NELL1: variants seen among roughly 807,000 people sequenced by gnomAD.
The protein encoded by NELL1 is protein kinase C-binding protein NELL1.
In NELL1, 76 loss-of-function variants were observed where a neutral mutation model predicts 107.4. The observed-to-expected ratio is 0.71, with a 90% CI of 0.59 to 0.86. The LOEUF is 0.86. NELL1 is among the 40% of genes least tolerant of loss of function. The probability of loss-of-function intolerance (pLI) is 0.00; values close to 1 mark genes in which losing one functional copy is unlikely to be tolerated. For missense variants in NELL1, 1,024 were observed against 1,005.5 expected (o/e 1.02, Z -0.25); for synonymous variants, 353 against 341.2 (o/e 1.03, Z -0.38).
chr11:21,111,062 G>A (rs953034885), intron 12 of NELL1, among the ~76,000 whole-genome samples: 3 of 152,064 alleles, frequency 2.0e-5, no homozygotes, highest in Non-Finnish European at 4.4e-5. Flanking sequence ...CTGTCTGGTA[G>A]GTTATTGCTC....
chr11:21,443,502 A>T (rs949107003), intron 15 of NELL1, among the ~76,000 whole-genome samples: 1 of 134,064 alleles, frequency 7.5e-6, no homozygotes, highest in Non-Finnish European at 1.6e-5. Context: ...TGAGAAAAAA[A>T]AATAATATCC....
intron 2 of NELL1, among the ~76,000 whole-genome samples, chr11:20,758,818 C>T (rs984167132): frequency 1.3e-5 from 2 of 152,154 alleles, no homozygotes; most frequent in African/African-American, 4.8e-5. Context: ...TGCCAGATGT[C>T]CCCTGGGGGC....
chr11:21,301,656 G>A (rs1451775939), intron 14 of NELL1, among the ~76,000 whole-genome samples: 1 of 152,022 alleles, frequency 6.6e-6, no homozygotes, highest in Non-Finnish European at 1.5e-5. Context: ...CCCTTTGTCA[G>A]ATGGGTAGAT....
At chr11:20,886,764 A>C (rs1849517383) in intron 5 of NELL1, among the ~76,000 whole-genome samples, 1 of 152,214 alleles carries the variant, frequency 6.6e-6, no homozygotes, top group South Asian at 2.1e-4. Context: ...GCAAACCAAC[A>C]TGGCACATGT....
At chr11:20,744,077 G>C (rs2133937066) in intron 2 of NELL1, among the ~76,000 whole-genome samples, 1 of 152,172 alleles carries the variant, frequency 6.6e-6, no homozygotes, top group South Asian at 2.1e-4. Flanking sequence ...TCTTCAATTA[G>C]ATCACATCTC....
chr11:21,482,215 T>A (rs563852199), intron 15 of NELL1, among the ~76,000 whole-genome samples: 1 of 152,302 alleles, frequency 6.6e-6, no homozygotes, highest in African/African-American at 2.4e-5. Flanking sequence ...TTTGCTGCAA[T>A]TAAACACTTA....
chr11:21,032,001 C>T lies in NELL1; in HGVS notation c.1300+71441C>T, dbSNP rs1487757161. 4.0e-5 allele frequency among the ~76,000 whole-genome samples: 6 copies of T among 151,132 alleles called. No homozygotes were observed. In the East Asian group the frequency reaches 5.8e-4, roughly 15 times the overall value. On this transcript the variant is annotated intron_variant, in intron 12 of 19. Transcript: ENST00000357134. Reference sequence around the variant, plus strand: ...CGGAGGTTGCAGTGAGCCAAGATTGCGCTCCTGCACGCCAGCCTGGGCGAC... The same window carrying T: ...CGGAGGTTGCAGTGAGCCAAGATTGTGCTCCTGCACGCCAGCCTGGGCGAC...
Position 20,783,771 on chromosome 11 carries a change from T to C in NELL1, c.276T>C (p.Thr92=). 3 of 1,614,100 alleles carry C rather than the reference T, an allele frequency of 1.9e-6. No individual in the cohort carries two copies. Among genetic ancestry groups the C allele is most frequent in the Non-Finnish European group, 1.7e-6 (2 of 1,179,952 alleles). ...AGAGTGAATTCACCATTTTGGCCAC[T>C]GTACAGCAGAAGCCATCCACTTCAG... ...RNKSEFTILA[T]VQQKPSTSGV... is the part of the protein sequence containing the mutation. The change falls in exon 3 of 20, where the codon ACT becomes ACC. Residue 92 remains threonine, a synonymous_variant. Coordinates refer to ENST00000357134, the MANE Select transcript of NELL1 (RefSeq NM_006157.5).
intron 16 of NELL1, among the ~76,000 whole-genome samples, chr11:21,542,926 A>C (rs1332950252): frequency 2.6e-5 from 4 of 152,094 alleles, no homozygotes. Flanking sequence ...AATGGGAAAC[A>C]TGAGTATATA....
At position 20,927,774 on chromosome 11, in the gene NELL1, C is replaced by T. The variant is rs537965000; in HGVS notation, c.894+332C>T. Among the ~76,000 whole-genome samples the T allele has an allele frequency of 5.3e-5, 8 of 152,302 alleles. No individual in the cohort carries two copies. The South Asian group carries it at 1.7e-3, about 32-fold the overall frequency. The stretch of plus-strand genomic sequence containing the variant: ...ACCTAATGGTTATCCTTATTCACAA[C>T]CAGAATAACTTTAAAAGGGGAGTTT... On this transcript the variant is annotated intron_variant, in intron 8 of 19. Transcript: ENST00000357134.
intron 1 of NELL1, among the ~76,000 whole-genome samples, chr11:20,676,306 A>G (rs1277937740): frequency 6.7e-6 from 1 of 148,324 alleles, no homozygotes; most frequent in Non-Finnish European, 1.5e-5. Context: ...CATGGTGTTT[A>G]TTGCCATCTC....
intron 15 of NELL1, among the ~76,000 whole-genome samples, chr11:21,465,684 C>T (rs1398650379): frequency 6.6e-6 from 1 of 151,932 alleles, no homozygotes; most frequent in Non-Finnish European, 1.5e-5. Flanking sequence ...AGAAAAGGAC[C>T]AAGGAGGATG....
intron 12 of NELL1, among the ~76,000 whole-genome samples, chr11:20,975,920 C>CACATATGTACATATATGTGT (rs1851613412): frequency 3.7e-5 from 4 of 108,460 alleles, no homozygotes; most frequent in Non-Finnish European, 7.1e-5. Flanking sequence ...TATATAAACA[C>CACATATGTACATATATGTGT]ACATATATGT....
intron 3 of NELL1, among the ~76,000 whole-genome samples, chr11:20,786,472 A>G (rs1481908413): frequency 3.3e-5 from 5 of 152,148 alleles, no homozygotes; most frequent in African/African-American, 4.8e-5. Flanking sequence ...TCTGAGTCAC[A>G]CAGCACCAAA....
In NELL1 at chr11:20,669,834, A is replaced by G. The variant is rs562802229; in HGVS notation, c.55+56A>G. The stretch of plus-strand genomic sequence containing the variant: ...CGGGAAATGGGGGTGCCCACAGACC[A>G]CGGCGGCGTGGGGAGACCTGGAGCC... On this transcript the variant is annotated intron_variant, in intron 1 of 19. Transcript: ENST00000357134. This position sits in a 1 kb window ranked among gnomAD's most constrained non-coding sequence, Gnocchi z 4.4. 1.2e-4 allele frequency: 184 copies of G among 1,485,580 alleles called. No individual in the cohort carries two copies. The African/African-American group carries it at 2.3e-3, about 18-fold the overall frequency. 92.0% of individuals were successfully genotyped at this position (1,485,580 alleles called of 1,614,324 possible).
intron 15 of NELL1, among the ~76,000 whole-genome samples, chr11:21,511,720 T>C (rs1361481508): frequency 6.6e-6 from 1 of 152,154 alleles, no homozygotes; most frequent in Admixed American, 6.5e-5. Context: ...CAAAGGCTCA[T>C]GCAAAGGCTC....
chr11:21,148,213 C>G (rs905584861), intron 13 of NELL1, among the ~76,000 whole-genome samples: 4 of 152,178 alleles, frequency 2.6e-5, no homozygotes, highest in Non-Finnish European at 5.9e-5. Flanking sequence ...CCAGATAGCT[C>G]TTGATCAAAT....
At chr11:21,329,404 C>T (rs1320850374) in intron 14 of NELL1, among the ~76,000 whole-genome samples, 3 of 152,102 alleles carry the variant, frequency 2.0e-5, no homozygotes, top group Admixed American at 2.0e-4. Flanking sequence ...AACTGTGAGT[C>T]AATTAAACTT....
chr11:21,064,720 T>G (rs1853827519), intron 12 of NELL1, among the ~76,000 whole-genome samples: 1 of 152,144 alleles, frequency 6.6e-6, no homozygotes, highest in Non-Finnish European at 1.5e-5. Flanking sequence ...TTAAACTCCT[T>G]GTAGGTATTA....
Sources: gnomAD v4.1 joint callset for allele counts (sites outside exome capture counted in the v4.1 genomes callset) on GRCh38, gnomAD v4.1.1 for gene constraint, Gnocchi (gnomAD v3.1) non-coding constraint, MANE v1.5 for transcripts, NCBI Gene and HGNC (gene_info 2026-07-23, HGNC 2026-07-21) for gene names.